The following AMBRA1 variants were observed in gnomAD, a reference collection of about 807,000 sequenced individuals.
The protein encoded by AMBRA1 is activating molecule in BECN1-regulated autophagy protein 1.
AMBRA1 carries 47 observed loss-of-function variants against 125.4 expected under a neutral mutation model. The ratio of observed to expected loss-of-function variants is 0.37; its 90% CI spans 0.30 to 0.48. The LOEUF is 0.48. Among genes scored for constraint, AMBRA1 ranks in the 20% least tolerant of loss-of-function variants. The pLI is 0.99. For synonymous variants in AMBRA1, 626 were observed against 655.5 expected (o/e 0.95, Z 0.69); for missense variants, 1,331 against 1,693.4 (o/e 0.79, Z 3.76).
chr11:46,460,524 C>T (rs1264425727), intron 11 of AMBRA1, among the ~76,000 whole-genome samples: 1 of 152,062 alleles, frequency 6.6e-6, no homozygotes, highest in South Asian at 2.1e-4. Flanking sequence ...AGGGTTTCAC[C>T]GTGTCAGCCA....
intron 9 of AMBRA1, among the ~76,000 whole-genome samples, chr11:46,497,334 T>G (rs1251963222): frequency 1.3e-5 from 2 of 152,090 alleles, no homozygotes; most frequent in Non-Finnish European, 2.9e-5. Flanking sequence ...ATACACGCAG[T>G]CTCAGACTGA....
chr11:46,465,350 T>C (rs1053776760), intron 11 of AMBRA1, among the ~76,000 whole-genome samples: 2 of 152,208 alleles, frequency 1.3e-5, no homozygotes, highest in Non-Finnish European at 1.5e-5. Flanking sequence ...AGGAACAAAC[T>C]ATCCTTTCAA....
chr11:46,434,939 T>C lies in AMBRA1; in HGVS notation c.2731A>G (p.Ser911Gly), dbSNP rs748393659. Reference protein sequence around the residue: ...GQLLAAFIPSSQRGFPDEGIL... With the variant: ...GQLLAAFIPSGQRGFPDEGIL... ...CCTTCATCAGGAAAGCCCCTCTGGC[T>C]GCTGGGGATGAAAGCTGCCAGGAGC... Residue 911 changes from serine to glycine, a missense_variant, in exon 13 of 18, where the codon AGC (serine) becomes GGC (glycine). By Grantham distance (56) the Ser-to-Gly change is moderately conservative. Coordinates refer to ENST00000683756, the MANE Select transcript of AMBRA1 (RefSeq NM_001387011.1). 1 of 1,614,112 alleles carries C rather than the reference T, an allele frequency of 6.2e-7. No individual in the cohort carries two copies. Among genetic ancestry groups the C allele is most frequent in the Non-Finnish European group, 8.5e-7 (1 of 1,179,990 alleles).
chr11:46,523,699 T>C (rs1213625132), intron 7 of AMBRA1, among the ~76,000 whole-genome samples: 1 of 152,160 alleles, frequency 6.6e-6, no homozygotes, highest in Non-Finnish European at 1.5e-5. Context: ...CCAGATGCGC[T>C]TTATTTAGAA....
intron 7 of AMBRA1, among the ~76,000 whole-genome samples, chr11:46,515,751 C>T (rs1424866498): frequency 6.6e-6 from 1 of 152,158 alleles, no homozygotes. Flanking sequence ...TCTTGGCTCA[C>T]TGCAACCTCC....
intron 11 of AMBRA1, among the ~76,000 whole-genome samples, chr11:46,461,972 C>T (rs766661766): frequency 6.6e-6 from 1 of 152,198 alleles, no homozygotes; most frequent in Non-Finnish European, 1.5e-5. Flanking sequence ...CTGCCCCCCA[C>T]TATCTAGACT....
intron 1 of AMBRA1, chr11:46,549,185 G>C (rs2042915083): frequency 6.6e-6 from 1 of 152,138 alleles, no homozygotes; most frequent in South Asian, 2.1e-4. Context: ...ATGGCAACTA[G>C]CAGCACAATA....
chr11:46,433,403 A>G, intron 14 of AMBRA1, 71 bp downstream of exon 14: 1 of 1,551,488 alleles, frequency 6.4e-7, no homozygotes, highest in East Asian at 2.3e-5. Flanking sequence ...AGGTCACACC[A>G]CTGTCCCCTC....
intron 7 of AMBRA1, among the ~76,000 whole-genome samples, chr11:46,533,224 A>G (rs541378165): frequency 2.6e-4 from 40 of 151,864 alleles, no homozygotes; most frequent in African/African-American, 9.4e-4. Flanking sequence ...TGATTAGCAT[A>G]GAAAAAATTC....
intron 14 of AMBRA1, among the ~76,000 whole-genome samples, chr11:46,424,222 G>GA (rs929964734): frequency 6.8e-6 from 1 of 147,578 alleles, no homozygotes; most frequent in African/African-American, 2.5e-5. Flanking sequence ...TCTCCCAGCA[G>GA]AAAAAAAGGG....
At chr11:46,421,958 C>A (rs1395478860) in intron 14 of AMBRA1, among the ~76,000 whole-genome samples, 1 of 152,162 alleles carries the variant, frequency 6.6e-6, no homozygotes, top group Non-Finnish European at 1.5e-5. Context: ...CTAAAAACAT[C>A]TCAAGTAAAG....
intron 5 of AMBRA1, among the ~76,000 whole-genome samples, chr11:46,545,178 T>TGGGGGGGGGG (rs1952957026): frequency 3.2e-5 from 1 of 31,742 alleles, no homozygotes; most frequent in Non-Finnish European, 5.6e-5. Flanking sequence ...GGGGGGGTGG[T>TGGGGGGGGGG]GGTGGGCATG....
chr11:46,587,084 G>A (rs2135337156), intron 1 of AMBRA1, among the ~76,000 whole-genome samples: 1 of 152,190 alleles, frequency 6.6e-6, no homozygotes, highest in South Asian at 2.1e-4. Flanking sequence ...TCATTTTAAA[G>A]AAACACAACT....
intron 12 of AMBRA1, among the ~76,000 whole-genome samples, chr11:46,439,022 G>C (rs572062238): frequency 2.6e-5 from 4 of 152,232 alleles, no homozygotes; most frequent in African/African-American, 7.2e-5. Context: ...TGTAATCCCA[G>C]TACTACGGGA....
chr11:46,565,355 A>G (rs564216881), intron 1 of AMBRA1, among the ~76,000 whole-genome samples: 25 of 152,264 alleles, frequency 1.6e-4, no homozygotes, highest in African/African-American at 6.0e-4. Flanking sequence ...CATCACATGA[A>G]TCAGCAACTG....
chr11:46,562,927 A>C (rs993178092), intron 1 of AMBRA1, among the ~76,000 whole-genome samples: 3 of 151,760 alleles, frequency 2.0e-5, no homozygotes, highest in Admixed American at 1.3e-4. Flanking sequence ...CAGCCTCCTG[A>C]GTAGCTGGGA....
At chr11:46,428,800 G>A in intron 14 of AMBRA1, 3 of 1,611,286 alleles carry the variant, frequency 1.9e-6, no homozygotes, top group South Asian at 2.2e-5. Flanking sequence ...CCCCTCTTGT[G>A]AGTCTCGCAG....
rs140270218 is a variant in AMBRA1, at chr11:46,572,515, A to T, written c.-121+21313T>A. Among the ~76,000 whole-genome samples, 1,494 of 152,332 alleles carry T rather than the reference A, an allele frequency of 9.8e-3. 15 individuals carry two copies. The highest frequency in any genetic ancestry group is 0.014 in the Non-Finnish European group (973 of 68,032). ...AATAATCATAGCAGTTTAAAAACGA[A>T]CTTCATCAAAAACGAGCACACTAAG... On this transcript the variant is annotated intron_variant, in intron 1 of 17. Transcript: ENST00000683756.
chr11:46,566,478 T>C (rs2043537061), intron 1 of AMBRA1, among the ~76,000 whole-genome samples: 1 of 152,088 alleles, frequency 6.6e-6, no homozygotes, highest in Admixed American at 6.5e-5. Context: ...TCAAGAGAAT[T>C]ATGCTGAGTG....
Sources: gnomAD v4.1 joint callset for allele counts (sites outside exome capture counted in the v4.1 genomes callset) on GRCh38, gnomAD v4.1.1 for gene constraint, MANE v1.5 for transcripts, NCBI Gene and HGNC (gene_info 2026-07-23, HGNC 2026-07-21) for gene names.